CRYGD: variants seen among roughly 807,000 people sequenced by gnomAD.
The protein encoded by CRYGD is crystallin gamma D.
In CRYGD, 13 loss-of-function variants were observed where a neutral mutation model predicts 11.3. The ratio of observed to expected loss-of-function variants is 1.15; its 90% CI spans 0.75 to 1.83. The LOEUF is 1.83. CRYGD is among the 40% of genes most tolerant of loss of function. The pLI, the probability that CRYGD is intolerant of heterozygous loss-of-function variation, is 0.00. For synonymous variants in CRYGD, 77 were observed against 89.5 expected (o/e 0.86, Z 0.79); for missense variants, 231 against 229.9 (o/e 1.00, Z -0.03).
chr2:208,123,779 C>T (rs1372163652), intron 2 of CRYGD, among the ~76,000 whole-genome samples: 2 of 152,166 alleles, frequency 1.3e-5, no homozygotes, highest in African/African-American at 4.8e-5. Context: ...AACTGCTGTA[C>T]GCTCTAGCAT....
rs1694871854 is a variant in CRYGD at position 208,121,899 on chromosome 2, C to T, written c.299G>A (p.Gly100Asp). ...GTCCTCAGTGAACTCTATCATCTGG[C>T]CTCTGTAGTCCTCTCTCTCATAGAG... ...IRLYEREDYR[G>D]QMIEFTEDCS... is the part of the protein sequence containing the mutation. The change falls in exon 3 of 3, where the codon GGC (glycine) becomes GAC (aspartate). Residue 100 changes from glycine to aspartate, a missense_variant. Coordinates refer to ENST00000264376, the MANE Select transcript of CRYGD (RefSeq NM_006891.4). The T allele has an allele frequency of 6.2e-7, 1 of 1,614,140 alleles. No individual in the cohort carries two copies. Among genetic ancestry groups the T allele is most frequent in the South Asian group, 1.1e-5 (1 of 91,080 alleles).
intron 1 of CRYGD, 44 bp from the exon 2 acceptor site, chr2:208,124,398 C>G (rs755685775): frequency 6.2e-7 from 1 of 1,606,710 alleles, no homozygotes; most frequent in South Asian, 1.1e-5. Context: ...CAGGCCTGCT[C>G]CTGCCCCAGT....
In CRYGD at chr2:208,121,820, C is replaced by T. The variant is rs550398544; in HGVS notation, c.378G>A (p.Val126=). Reference sequence around the variant, plus strand: ...CGTAGAGGACCCAGGAGCCCTCCAGCACGTTGAGGGAGTGGATTTCATTGA... The same window carrying T: ...CGTAGAGGACCCAGGAGCCCTCCAGTACGTTGAGGGAGTGGATTTCATTGA... The part of the protein sequence containing the change: ...FRFNEIHSLN[V]LEGSWVLYEL... Residue 126 remains valine, a synonymous_variant, in exon 3 of 3, where the codon GTG becomes GTA. Coordinates refer to ENST00000264376, the MANE Select transcript of CRYGD (RefSeq NM_006891.4). 6 of 1,614,184 alleles carry T rather than the reference C, an allele frequency of 3.7e-6. No individual in the cohort carries two copies. Among genetic ancestry groups the T allele is most frequent in the Non-Finnish European group, 5.1e-6 (6 of 1,180,036 alleles).
chr2:208,122,364 CTA>C (rs1179750404), intron 2 of CRYGD, among the ~76,000 whole-genome samples: 1 of 146,872 alleles, frequency 6.8e-6, no homozygotes, highest in Non-Finnish European at 1.5e-5. Flanking sequence ...CATATGATAT[CTA>C]ATACATATTT....
intron 2 of CRYGD, among the ~76,000 whole-genome samples, chr2:208,123,412 C>T (rs1268757944): frequency 6.9e-6 from 1 of 145,198 alleles, no homozygotes; most frequent in African/African-American, 2.5e-5. Context: ...AATATATAAG[C>T]CTTCTATTCA....
intron 2 of CRYGD, among the ~76,000 whole-genome samples, chr2:208,123,134 T>C (rs184821693): frequency 1.4e-5 from 2 of 147,102 alleles, no homozygotes; most frequent in African/African-American, 2.5e-5. Flanking sequence ...ATATTAAAAA[T>C]ATATTAAAAT....
chr2:208,123,985 A>G, intron 2 of CRYGD, 127 bp downstream of exon 2: 2 of 1,387,178 alleles, frequency 1.4e-6, no homozygotes, highest in Non-Finnish European at 2.0e-6. Flanking sequence ...GACTTAATCC[A>G]CTATAGTTCA....
chr2:208,124,436 CG>C, intron 1 of CRYGD, 28 bp downstream of exon 1: 1 of 1,586,008 alleles, frequency 6.3e-7, no homozygotes, highest in Non-Finnish European at 8.6e-7. Flanking sequence ...GAGGAAGCTC[CG>C]GGGTCCCGGG....
Position 208,121,700 on chromosome 2 carries a change from A to G in CRYGD, c.498T>C (p.Ser166=). The G allele has an allele frequency of 6.2e-7, 1 of 1,613,788 alleles. No individual in the cohort carries two copies. The highest frequency in any genetic ancestry group is 8.5e-7 in the Non-Finnish European group (1 of 1,179,772). The part of the protein sequence containing the change: ...DWGATNARVG[S]LRRVIDFS ...AGGAGAAATCTATGACTCTCCTCAG[A>G]GAGCCCACTCTGGCATTCGTGGCCC... Residue 166 remains serine (S), a synonymous_variant, in exon 3 of 3, where the codon TCT becomes TCC. Transcript: ENST00000264376.
rs775032143 is a variant in CRYGD, at chr2:208,124,112, G to T, written c.252C>A (p.His84Gln). 38 of 1,611,668 alleles carry T rather than the reference G, an allele frequency of 2.4e-5. No homozygotes were observed. The highest frequency in any genetic ancestry group is 2.9e-5 in the Non-Finnish European group (34 of 1,179,882). ...DSVRSCRLIP[H>Q]SGSHRIRLYE... ...GGTCCTGACTTGAGGATGTACTCAC[G>T]TGGGGGATGAGGCGGCAGGAGCGGA... Residue 84 changes from histidine to glutamine, a missense_variant and splice_region_variant, in exon 2 of 3, where the codon CAC (histidine) becomes CAA (glutamine). By Grantham distance (24) the His-to-Gln change is conservative. Transcript: ENST00000264376.
chr2:208,123,289 TA>T (rs1694909027), intron 2 of CRYGD, among the ~76,000 whole-genome samples: 1 of 146,760 alleles, frequency 6.8e-6, no homozygotes, highest in South Asian at 2.1e-4. Flanking sequence ...ATTTAAAATA[TA>T]AAAATATGTA....
rs766214162 is a variant in CRYGD, at chr2:208,121,718, C to T, written c.480G>A (p.Thr160=). The change falls in exon 3 of 3, where the codon ACG becomes ACA. Residue 160 remains threonine (T), a synonymous_variant. Coordinates refer to ENST00000264376, the MANE Select transcript of CRYGD (RefSeq NM_006891.4). ...DYRRYQDWGA[T]NARVGSLRRV... is the part of the protein sequence containing the mutation. ...TCCTCAGAGAGCCCACTCTGGCATT[C>T]GTGGCCCCCCAGTCCTGGTAGCGCC... 4.1e-5 allele frequency: 66 copies of T among 1,613,720 alleles called. No individual in the cohort carries two copies. The highest frequency in any genetic ancestry group is 1.5e-4 in the South Asian group (14 of 91,080).
At position 208,121,915 on chromosome 2, in the gene CRYGD, T is replaced by C. The variant is rs1438127806; in HGVS notation, c.283A>G (p.Arg95Gly). 6.2e-7 allele frequency: 1 copy of C among 1,614,120 alleles called. No homozygotes were observed. Among genetic ancestry groups the C allele is most frequent in the South Asian group, 1.1e-5 (1 of 91,084 alleles). Reference protein sequence around the residue: ...SGSHRIRLYEREDYRGQMIEF... With the variant: ...SGSHRIRLYEGEDYRGQMIEF... Reference sequence around the variant, plus strand: ...ATCATCTGGCCTCTGTAGTCCTCTCTCTCATAGAGTCTGATCCTGTGAGAG... The same window carrying C: ...ATCATCTGGCCTCTGTAGTCCTCTCCCTCATAGAGTCTGATCCTGTGAGAG... Residue 95 changes from arginine to glycine, a missense_variant, in exon 3 of 3, where the codon AGA becomes GGA. Coordinates refer to ENST00000264376, the MANE Select transcript of CRYGD (RefSeq NM_006891.4).
Position 208,121,701 on chromosome 2 carries a change from G to C in CRYGD, c.497C>G (p.Ser166Cys). The part of the protein sequence containing the change: ...DWGATNARVG[S>C]LRRVIDFS Reference sequence around the variant, plus strand: ...GGAGAAATCTATGACTCTCCTCAGAGAGCCCACTCTGGCATTCGTGGCCCC... The same window carrying C: ...GGAGAAATCTATGACTCTCCTCAGACAGCCCACTCTGGCATTCGTGGCCCC... The change falls in exon 3 of 3, where the codon TCT (serine) becomes TGT (cysteine). Residue 166 changes from serine to cysteine, a missense_variant. By Grantham distance (112) the Ser-to-Cys change is moderately radical. Coordinates refer to ENST00000264376, the MANE Select transcript of CRYGD (RefSeq NM_006891.4). The C allele has an allele frequency of 6.2e-7, 1 of 1,613,720 alleles. No individual in the cohort carries two copies. Among genetic ancestry groups the C allele is most frequent in the Non-Finnish European group, 8.5e-7 (1 of 1,179,750 alleles).
At position 208,121,648 on chromosome 2, in the gene CRYGD, A is replaced by G; in HGVS notation, c.*25T>C. ...AAAATATTTTATTAGTTTCCAAATT[A>G]AGAAACAACAAAAGAGGACATATTT... On this transcript the variant is annotated 3_prime_UTR_variant, in exon 3 of 3. Transcript: ENST00000264376. The G allele has an allele frequency of 5.6e-6, 9 of 1,606,196 alleles. No individual in the cohort carries two copies. The highest frequency in any genetic ancestry group is 7.7e-6 in the Non-Finnish European group (9 of 1,175,726).
At chr2:208,122,396 A>C (rs1694881856) in intron 2 of CRYGD, among the ~76,000 whole-genome samples, 1 of 147,972 alleles carries the variant, frequency 6.8e-6, no homozygotes, top group Admixed American at 6.8e-5. Context: ...CTATATTTAA[A>C]ATATATTATA....
intron 2 of CRYGD, 25 bp from the exon 3 acceptor site, chr2:208,121,970 GAAGAA>G: frequency 6.2e-7 from 1 of 1,613,736 alleles, no homozygotes; most frequent in Admixed American, 1.7e-5. Flanking sequence ...AATAAAAAGA[GAAGAA>G]AAGCAAGTGT....
rs751575392 is a variant in CRYGD, at chr2:208,124,184, G to A, written c.180C>T (p.Arg60=). 1.2e-6 allele frequency: 2 copies of A among 1,611,774 alleles called. No homozygotes were observed. The highest frequency in any genetic ancestry group is 1.7e-6 in the Non-Finnish European group (2 of 1,179,908). Residue 60 remains arginine, a synonymous_variant, in exon 2 of 3, where the codon CGC becomes CGT. Transcript: ENST00000264376. Reference sequence around the variant, plus strand: ...ACTGCTGGTGGTCGGCATAGTCGCCGCGGCGCAGGAAGTACTGGAGGCCCG... The same window carrying A: ...ACTGCTGGTGGTCGGCATAGTCGCCACGGCGCAGGAAGTACTGGAGGCCCG... ...NYSGLQYFLR[R]GDYADHQQWM...
intron 2 of CRYGD, 40 bp from the exon 3 acceptor site, chr2:208,121,985 T>C (rs758447976): frequency 3.1e-6 from 5 of 1,612,890 alleles, no homozygotes; most frequent in Non-Finnish European, 4.2e-6. Flanking sequence ...AAAGCAAGTG[T>C]GAAATGATTC....
Sources: allele counts gnomAD v4.1 joint callset (sites outside exome capture counted in the v4.1 genomes callset), GRCh38; gene constraint gnomAD v4.1.1; transcripts MANE v1.5; gene names NCBI Gene and HGNC (gene_info 2026-07-23, HGNC 2026-07-21).